CNOT1: variants seen among roughly 807,000 people sequenced by gnomAD.
The protein encoded by CNOT1 is CCR4-associated factor 1.
A neutral mutation model predicts 273.8 loss-of-function variants in CNOT1; 15 were observed. The ratio of observed to expected loss-of-function variants is 0.05; its 90% CI spans 0.04 to 0.08. The LOEUF (loss-of-function observed/expected upper bound fraction) is 0.08. Ranked by LOEUF, CNOT1 falls within the 10% of genes least tolerant of loss-of-function variation. The pLI, the probability that CNOT1 is intolerant of heterozygous loss-of-function variation, is 1.00. For missense variants in CNOT1, 1,644 were observed against 2,912.2 expected (o/e 0.56, Z 10.02); for synonymous variants, 1,022 against 1,005.5 (o/e 1.02, Z -0.31).
intron 1 of CNOT1, among the ~76,000 whole-genome samples, chr16:58,615,435 C>T (rs979502719): frequency 8.0e-6 from 1 of 124,944 alleles, no homozygotes; most frequent in African/African-American, 2.7e-5. Context: ...ACCTAGCTCA[C>T]AAAACCTCAC....
At chr16:58,612,953 A>G (rs1427172342) in intron 1 of CNOT1, among the ~76,000 whole-genome samples, 1 of 152,184 alleles carries the variant, frequency 6.6e-6, no homozygotes, top group Non-Finnish European at 1.5e-5. Flanking sequence ...CTCAAGGGTG[A>G]TATTATTACC....
At chr16:58,602,576 A>C (rs867548296) in intron 1 of CNOT1, among the ~76,000 whole-genome samples, 3 of 149,434 alleles carry the variant, frequency 2.0e-5, no homozygotes, top group African/African-American at 4.9e-5. Flanking sequence ...AAAAAAAAAA[A>C]ACCCATCCAT....
Position 58,537,006 on chromosome 16 carries a change from A to G in CNOT1, c.5629T>C (p.Ser1877Pro). ...AAGRDSTKAFSAFVGQMHQQG... is the reference protein window; with the variant it reads ...AAGRDSTKAFPAFVGQMHQQG... ...AGCTCTACCTGTCCAACAAATGCAG[A>G]GAAAGCTTTGGTACTGTCGCGGCCA... is the stretch of plus-strand genomic sequence containing the variant. The change falls in exon 39 of 49, where the codon TCT becomes CCT. Residue 1877 changes from serine (S) to proline (P), a missense_variant. By Grantham distance (74) the Ser-to-Pro change is moderately conservative (BLOSUM62 -1). Around this residue, in one of 13 missense-constraint regions of CNOT1, gnomAD observed 133 missense variants for 328.2 expected, o/e 0.41. Transcript: ENST00000317147. 2 of 1,614,174 alleles carry G rather than the reference A, an allele frequency of 1.2e-6. No individual in the cohort carries two copies. Among genetic ancestry groups the G allele is most frequent in the Non-Finnish European group, 1.7e-6 (2 of 1,180,018 alleles).
chr16:58,576,322 G>C (rs1271176810), intron 14 of CNOT1, 141 bp downstream of exon 14: 14 of 1,208,832 alleles, frequency 1.2e-5, no homozygotes, highest in Non-Finnish European at 1.6e-5. Context: ...GTTTTGGTCA[G>C]GCTGGTCTCG....
At chr16:58,577,695 C>T (rs1050900161) in intron 13 of CNOT1, among the ~76,000 whole-genome samples, 94 of 151,792 alleles carry the variant, frequency 6.2e-4, no homozygotes, top group African/African-American at 2.1e-3. Flanking sequence ...AAAAATTAAC[C>T]GGGTATGGTG....
At chr16:58,533,757 G>A (rs558295072) in intron 40 of CNOT1, among the ~76,000 whole-genome samples, 129 of 152,276 alleles carry the variant, frequency 8.5e-4, no homozygotes, top group African/African-American at 2.9e-3. Context: ...CCTAGGAGGC[G>A]GAGTTTGCAG....
At chr16:58,599,115 C>A in intron 2 of CNOT1, 121 bp downstream of exon 2, 5 of 1,104,442 alleles carry the variant, frequency 4.5e-6, no homozygotes, top group Admixed American at 2.4e-5. Flanking sequence ...ACAGAAATCA[C>A]TTGAATTAAG....
chr16:58,527,033 C>G (rs187135295), intron 44 of CNOT1, among the ~76,000 whole-genome samples: 2 of 151,732 alleles, frequency 1.3e-5, no homozygotes, highest in Non-Finnish European at 2.9e-5. Flanking sequence ...AACAACGAGA[C>G]CCCTGTCTCT....
chr16:58,553,580 T>C (rs2040527225), intron 22 of CNOT1, among the ~76,000 whole-genome samples: 1 of 152,186 alleles, frequency 6.6e-6, no homozygotes, highest in African/African-American at 2.4e-5. Context: ...TTAGAAAAGA[T>C]AATCCAAGAA....
rs775711781 is a variant in CNOT1, at chr16:58,525,996, T to C, written c.6596A>G (p.Asn2199Ser). The C allele has an allele frequency of 3.7e-6, 6 of 1,613,940 alleles. No homozygotes were observed. The highest frequency in any genetic ancestry group is 1.7e-5 in the Admixed American group (1 of 60,000). The change falls in exon 45 of 49, where the codon AAC becomes AGC. Residue 2199 changes from asparagine to serine, a missense_variant. By Grantham distance (46) the Asn-to-Ser change is conservative. Coordinates refer to ENST00000317147, the MANE Select transcript of CNOT1 (RefSeq NM_016284.5). ...TAAGCCAAACCAATTAACCTGTAGG[T>C]TGCTGCGCAGATCAGACAGGAAAGT... ...PVTFLSDLRS[N>S]LQVSNEPGNR...
intron 1 of CNOT1, among the ~76,000 whole-genome samples, chr16:58,609,447 A>G (rs1027320990): frequency 3.3e-5 from 5 of 152,070 alleles, no homozygotes; most frequent in African/African-American, 4.8e-5. Context: ...CTGTCCCCCA[A>G]TAACCTATAG....
intron 46 of CNOT1, 113 bp downstream of exon 46, chr16:58,525,066 C>G (rs576676129): frequency 1.0e-6 from 1 of 964,468 alleles, no homozygotes; most frequent in Non-Finnish European, 1.6e-6. Flanking sequence ...AATAAATATA[C>G]TGACAGAACA....
chr16:58,616,682 G>A (rs936803775), intron 1 of CNOT1, among the ~76,000 whole-genome samples: 1 of 151,974 alleles, frequency 6.6e-6, no homozygotes, highest in Non-Finnish European at 1.5e-5. Flanking sequence ...GTTTGCTTTC[G>A]TGAGAATGAC....
intron 7 of CNOT1, among the ~76,000 whole-genome samples, chr16:58,586,013 A>C (rs2151980817): frequency 6.6e-6 from 1 of 151,728 alleles, no homozygotes; most frequent in African/African-American, 2.4e-5. Flanking sequence ...ATCTTTCTCA[A>C]ACATGAAAGC....
At chr16:58,627,403 C>CAAAA (rs754338444) in intron 1 of CNOT1, among the ~76,000 whole-genome samples, 27,930 of 64,950 alleles carry the variant, frequency 0.43, 8,072 homozygotes, top group Non-Finnish European at 0.53. Flanking sequence ...GACTCCATCT[C>CAAAA]AAAAAAAAAA....
intron 1 of CNOT1, among the ~76,000 whole-genome samples, chr16:58,629,411 C>T (rs1418774783): frequency 6.6e-6 from 1 of 152,168 alleles, no homozygotes; most frequent in African/African-American, 2.4e-5. Flanking sequence ...GAACTGCCGC[C>T]GCTGCCGCCC....
chr16:58,547,701 A>C lies in CNOT1; in HGVS notation c.3523-19T>G, dbSNP rs756795460. 9 of 1,605,420 alleles carry C rather than the reference A, an allele frequency of 5.6e-6. No individual in the cohort carries two copies. Among genetic ancestry groups the C allele is most frequent in the Non-Finnish European group, 6.8e-6 (8 of 1,175,710 alleles). ...GGAGCACCTGAAATAGTGTAAGATT[A>C]AGAAAGATATGAGAATAAGCTTATG... On this transcript the variant is annotated intron_variant, in intron 25 of 48. Coordinates refer to ENST00000317147, the MANE Select transcript of CNOT1 (RefSeq NM_016284.5). This position sits in a 1 kb window ranked among gnomAD's most constrained non-coding sequence, Gnocchi z 4.0.
intron 1 of CNOT1, among the ~76,000 whole-genome samples, chr16:58,615,916 TA>T: frequency 8.6e-6 from 1 of 116,338 alleles, no homozygotes; most frequent in African/African-American, 2.9e-5. Context: ...ACCCCATCTC[TA>T]CTTTTTTTTT....
intron 2 of CNOT1, among the ~76,000 whole-genome samples, chr16:58,597,391 C>T (rs185497784): frequency 6.6e-6 from 1 of 152,066 alleles, no homozygotes; most frequent in East Asian, 1.9e-4. Context: ...AGGAAGATTG[C>T]TTGAACCCAG....
Sources: allele counts gnomAD v4.1 joint callset (sites outside exome capture counted in the v4.1 genomes callset), GRCh38; gene constraint gnomAD v4.1.1; regional missense constraint gnomAD v4.1.1; non-coding constraint Gnocchi (gnomAD v3.1); transcripts MANE v1.5; gene names NCBI Gene and HGNC (gene_info 2026-07-23, HGNC 2026-07-21).